The following COL16A1 variants were observed in gnomAD, a reference collection of about 807,000 sequenced individuals.
COL16A1 encodes collagen alpha-1(XVI) chain.
A neutral mutation model predicts 266.3 loss-of-function variants in COL16A1; 189 were observed. That is an observed-to-expected ratio of 0.71 (90% CI 0.63 to 0.80). COL16A1 has a LOEUF of 0.80. COL16A1 is among the 30% of genes least tolerant of loss of function. The pLI, the probability that COL16A1 is intolerant of heterozygous loss-of-function variation, is 0.00. For missense variants in COL16A1, 1,928 were observed against 2,122.4 expected (o/e 0.91, Z 1.80); for synonymous variants, 740 against 782.3 (o/e 0.95, Z 0.90).
At chr1:31,666,787 C>A (rs1448920254) in intron 52 of COL16A1, among the ~76,000 whole-genome samples, 2 of 152,122 alleles carry the variant, frequency 1.3e-5, no homozygotes, top group African/African-American at 4.8e-5. Context: ...TCCTGCCCCT[C>A]CGCTTCGATG....
chr1:31,654,067 G>C, intron 68 of COL16A1, 24 bp from the exon 69 acceptor site: 1 of 1,604,548 alleles, frequency 6.2e-7, no homozygotes, highest in Non-Finnish European at 8.5e-7. Context: ...ACAAGGACAG[G>C]GACAGGTCAG....
rs557290573 is a variant in COL16A1 at position 31,688,544 on chromosome 1, C to A, written c.1768-42G>T. 6.2e-7 allele frequency: 1 copy of A among 1,613,906 alleles called. No individual in the cohort carries two copies. The highest frequency in any genetic ancestry group is 1.7e-5 in the Admixed American group (1 of 60,008). ...ACAGAGTCTCAGCATCTCCCCACTC[C>A]CACCTCTCCAAGGCTCCCCGGGTCC... On this transcript the variant is annotated intron_variant, in intron 25 of 70. Coordinates refer to ENST00000373672, the MANE Select transcript of COL16A1 (RefSeq NM_001856.4). The surrounding 1 kb of genome is among the most constrained non-coding windows in gnomAD (Gnocchi z 4.9).
chr1:31,691,371 G>C, intron 19 of COL16A1, 46 bp downstream of exon 19: 1 of 1,590,270 alleles, frequency 6.3e-7, no homozygotes, highest in Non-Finnish European at 8.6e-7. Context: ...GGGTGGGAGA[G>C]CGGTCTCTGA....
Position 31,691,648 on chromosome 1 carries a change from G to T in COL16A1, c.1258-6C>A. 6 of 1,612,906 alleles carry T rather than the reference G, an allele frequency of 3.7e-6. No homozygotes were observed. In the South Asian group the frequency reaches 5.5e-5, roughly 15 times the overall value. ...CAGATCTCTCCTGGCCGGCCCTGTG[G>T]GGGGATAAGGGGGAGGGTGTACAAA... On this transcript the variant is annotated splice_polypyrimidine_tract_variant and splice_region_variant and intron_variant, in intron 17 of 70. Coordinates refer to ENST00000373672, the MANE Select transcript of COL16A1 (RefSeq NM_001856.4).
intron 66 of COL16A1, chr1:31,655,739 C>A: frequency 3.0e-6 from 2 of 660,540 alleles, no homozygotes; most frequent in Non-Finnish European, 2.4e-6. Flanking sequence ...GGATAAAGCA[C>A]TCATTCGTTG....
Position 31,672,651 on chromosome 1 carries a change from TGA to T in COL16A1, c.2977-16_2977-15del. On this transcript the variant is annotated splice_polypyrimidine_tract_variant and intron_variant, in intron 45 of 70. Coordinates refer to ENST00000373672, the MANE Select transcript of COL16A1 (RefSeq NM_001856.4). The stretch of plus-strand genomic sequence containing the variant: ...TGACAAAAAGCACTGCAAGGGACAA[TGA>T]GAGGCACATTGTCTGATGAGGCAGC... 6.2e-7 allele frequency: 1 copy of T among 1,605,586 alleles called. No individual in the cohort carries two copies. Among genetic ancestry groups the T allele is most frequent in the Non-Finnish European group, 8.5e-7 (1 of 1,175,118 alleles).
chr1:31,690,179 G>A (rs1010240178), intron 22 of COL16A1, among the ~76,000 whole-genome samples, 188 bp downstream of exon 22: 16 of 152,198 alleles, frequency 1.1e-4, no homozygotes, highest in African/African-American at 3.6e-4. Context: ...GGCAGAGTTT[G>A]AACCCAGCTC....
At position 31,665,201 on chromosome 1, in the gene COL16A1, G is replaced by A; in HGVS notation, c.3526C>T (p.Pro1176Ser). The A allele has an allele frequency of 6.2e-7, 1 of 1,600,682 alleles. No homozygotes were observed. Among genetic ancestry groups the A allele is most frequent in the African/African-American group, 1.4e-5 (1 of 74,040 alleles). The change falls in exon 56 of 71, where the codon CCT becomes TCT. Residue 1176 changes from proline to serine, a missense_variant. Coordinates refer to ENST00000373672, the MANE Select transcript of COL16A1 (RefSeq NM_001856.4). The part of the protein sequence containing the change: ...PPGFPGKVGS[P>S]GPPGPQAEKG... ...TCTGCTTGAGGGCCAGGTGGGCCAG[G>A]TGATCCAACTTTGCCTGGGAATCCA...
chr1:31,672,801 G>T lies in COL16A1; in HGVS notation c.2899C>A (p.Pro967Thr), dbSNP rs753979949. ...TCTCCCTTCTCCACGAGGTACCCTGGGTGGGCCCTCTGCCCCTGGACACAG... is the reference window on the plus strand; with the variant it reads ...TCTCCCTTCTCCACGAGGTACCCTGTGTGGGCCCTCTGCCCCTGGACACAG... ...GDCVQGQRAH[P>T]GYLVEKGEKG... Residue 967 changes from proline to threonine, a missense_variant, in exon 45 of 71, where the codon CCA (proline) becomes ACA (threonine). By Grantham distance (38) the Pro-to-Thr change is conservative. Transcript: ENST00000373672. 32 of 1,614,088 alleles carry T rather than the reference G, an allele frequency of 2.0e-5. 2 individuals are homozygous for T. The South Asian group carries it at 3.5e-4, about 18-fold the overall frequency.
chr1:31,653,071 G>A, intron 70 of COL16A1, among the ~76,000 whole-genome samples: 1 of 152,256 alleles, frequency 6.6e-6, no homozygotes, highest in Admixed American at 6.5e-5. Context: ...ACAGGGCTGA[G>A]TGCTTTTGAT....
chr1:31,659,059 C>T (rs934164959), intron 62 of COL16A1, 95 bp from the exon 63 acceptor site: 5 of 1,126,468 alleles, frequency 4.4e-6, no homozygotes, highest in Non-Finnish European at 6.5e-6. Flanking sequence ...CTCTAAACTT[C>T]AGCAGCTCCA....
chr1:31,697,134 C>A lies in COL16A1; in HGVS notation c.739-46G>T, dbSNP rs745899595. 52 of 1,612,844 alleles carry A rather than the reference C, an allele frequency of 3.2e-5. No individual in the cohort carries two copies. The highest frequency in any genetic ancestry group is 2.5e-6 in the Non-Finnish European group (3 of 1,179,260). ...GCTAGGGTCAGTACAGGAGCAGACTCCTCCTAAGACCTCCAGGCATCACCT... is the reference window on the plus strand; with the variant it reads ...GCTAGGGTCAGTACAGGAGCAGACTACTCCTAAGACCTCCAGGCATCACCT... On this transcript the variant is annotated intron_variant, in intron 7 of 70. Coordinates refer to ENST00000373672, the MANE Select transcript of COL16A1 (RefSeq NM_001856.4). The surrounding 1 kb of genome is among the most constrained non-coding windows in gnomAD (Gnocchi z 4.2).
Position 31,663,040 on chromosome 1 carries a change from A to C in COL16A1, c.3556-382T>G. On this transcript the variant is annotated intron_variant, in intron 56 of 70. Transcript: ENST00000373672. This position sits in a 1 kb window ranked among gnomAD's most constrained non-coding sequence, Gnocchi z 4.9. ...CAGACCCCCTGCCTCCTCCCCACCT[A>C]CCTCCCTACCTTTCCCCCCATCCCA... 10 of 253,008 alleles carry C rather than the reference A, an allele frequency of 4.0e-5. No individual in the cohort carries two copies. Among genetic ancestry groups the C allele is most frequent in the Non-Finnish European group, 6.2e-5 (8 of 128,484 alleles). 15.7% of individuals were successfully genotyped at this position (253,008 alleles called of 1,614,324 possible).
At chr1:31,653,763 A>G (rs1257710645) in intron 69 of COL16A1, 87 bp from the exon 70 acceptor site, 3 of 1,574,690 alleles carry the variant, frequency 1.9e-6, no homozygotes, top group Non-Finnish European at 1.7e-6. Flanking sequence ...ACACACACAC[A>G]CACACACACA....
rs1199551317 is a variant in COL16A1, at chr1:31,698,860, G to A, written c.267-254C>T. ...TGTAATCCCAGCACTTTGGGAGGCC[G>A]AGGTGGGCGGATCACCTGAGGCCAG... On this transcript the variant is annotated intron_variant, in intron 4 of 70. Coordinates refer to ENST00000373672, the MANE Select transcript of COL16A1 (RefSeq NM_001856.4). The surrounding 1 kb of genome is among the most constrained non-coding windows in gnomAD (Gnocchi z 4.1). Among the ~76,000 whole-genome samples the A allele has an allele frequency of 6.6e-6, 1 of 152,208 alleles. No homozygotes were observed. Among genetic ancestry groups the A allele is most frequent in the South Asian group, 2.1e-4 (1 of 4,830 alleles).
Position 31,692,051 on chromosome 1 carries a change from T to C in COL16A1, c.1211A>G (p.Lys404Arg). The C allele has an allele frequency of 6.2e-7, 1 of 1,613,782 alleles. No homozygotes were observed. The highest frequency in any genetic ancestry group is 1.6e-4 in the Middle Eastern group (1 of 6,062). Residue 404 changes from lysine to arginine, a missense_variant, in exon 17 of 71, where the codon AAG becomes AGG. This residue lies in a region of COL16A1 where 1,552 missense variants were observed against 1,637.2 expected (regional missense o/e 0.95). Coordinates refer to ENST00000373672, the MANE Select transcript of COL16A1 (RefSeq NM_001856.4). ...STGEKGQKGE[K>R]GDGGIKGVPG... ...CACGCCCTTGATGCCTCCGTCGCCC[T>C]TCTCGCCTTTCTGGCCCTGGGGAAG... is the stretch of plus-strand genomic sequence containing the variant.
chr1:31,655,374 G>T lies in COL16A1; in HGVS notation c.4230C>A (p.Gly1410=). The stretch of plus-strand genomic sequence containing the variant: ...CCGAAGGCCCCGGAGCTCCAGGGTG[G>T]CCTCTCTCTCCTGCAGGGCCCGGTG... ...VGPPGPAGER[G]HPGAPGPSGS... is the part of the protein sequence containing the mutation. Residue 1410 remains glycine (G), a synonymous_variant, in exon 67 of 71, where the codon GGC becomes GGA. Transcript: ENST00000373672. 3 of 1,613,906 alleles carry T rather than the reference G, an allele frequency of 1.9e-6. No individual in the cohort carries two copies. Among genetic ancestry groups the T allele is most frequent in the Non-Finnish European group, 2.5e-6 (3 of 1,179,956 alleles).
chr1:31,664,656 C>A lies in COL16A1; in HGVS notation c.3555+516G>T, dbSNP rs1171055619. ...GCTCCGCCAACTGCTGCTCCCCCAACCCTTGTCACCAGGCAGGACACGGGC... is the reference window on the plus strand; with the variant it reads ...GCTCCGCCAACTGCTGCTCCCCCAAACCTTGTCACCAGGCAGGACACGGGC... On this transcript the variant is annotated intron_variant, in intron 56 of 70. Coordinates refer to ENST00000373672, the MANE Select transcript of COL16A1 (RefSeq NM_001856.4). The surrounding 1 kb of genome is among the most constrained non-coding windows in gnomAD (Gnocchi z 5.5). Among the ~76,000 whole-genome samples, 2 of 152,184 alleles carry A rather than the reference C, an allele frequency of 1.3e-5. No homozygotes were observed. The highest frequency in any genetic ancestry group is 2.9e-5 in the Non-Finnish European group (2 of 68,024).
intron 31 of COL16A1, 109 bp downstream of exon 31, chr1:31,684,414 G>A: frequency 6.6e-7 from 1 of 1,518,690 alleles, no homozygotes; most frequent in Non-Finnish European, 8.8e-7. Flanking sequence ...CAGTGACTCT[G>A]ACAGCCGTTA....
Sources: allele counts gnomAD v4.1 joint callset (sites outside exome capture counted in the v4.1 genomes callset), GRCh38; gene constraint gnomAD v4.1.1; regional missense constraint gnomAD v4.1.1; non-coding constraint Gnocchi (gnomAD v3.1); transcripts MANE v1.5; gene names NCBI Gene and HGNC (gene_info 2026-07-23, HGNC 2026-07-21).